IFRD2: variants seen among roughly 807,000 people sequenced by gnomAD.
IFRD2 encodes the protein interferon-related developmental regulator 2.
In IFRD2, 35 loss-of-function variants were observed where a neutral mutation model predicts 49.2. The ratio of observed to expected loss-of-function variants is 0.71; its 90% confidence interval spans 0.54 to 0.94. IFRD2 has a LOEUF of 0.94. Among genes scored for constraint, IFRD2 ranks in the 40% least tolerant of loss-of-function variants. The probability of loss-of-function intolerance (pLI) is 0.00; values close to 1 mark genes in which losing one functional copy is unlikely to be tolerated. For missense variants in IFRD2, 561 were observed against 591.6 expected (o/e 0.95, Z 0.54); for synonymous variants, 275 against 239.7 (o/e 1.15, Z -1.36).
chr3:50,290,591 G>T lies in IFRD2; in HGVS notation c.147C>A (p.Ser49Arg), dbSNP rs370637019. Reference protein sequence around the residue: ...EARSTASECPSLLSTTAEDSL... With the variant: ...EARSTASECPRLLSTTAEDSL... ...TGTCCTCTGCAGTGGTGCTGAGAAG[G>T]CTGGGGCATTCACTGGCGGTGCTGC... Residue 49 changes from serine to arginine, a missense_variant, in exon 2 of 12, where the codon AGC becomes AGA. Physicochemically the swap from Ser to Arg is moderately radical, Grantham distance 110. Coordinates refer to ENST00000417626, the MANE Select transcript of IFRD2 (RefSeq NM_006764.5). 2 of 1,613,994 alleles carry T rather than the reference G, an allele frequency of 1.2e-6. No homozygotes were observed.
intron 5 of IFRD2, 70 bp downstream of exon 5, chr3:50,289,859 T>G (rs1240634757): frequency 6.3e-7 from 1 of 1,598,554 alleles, no homozygotes; most frequent in East Asian, 2.3e-5. Context: ...AGGCTGAAGA[T>G]AGGGGGAACC....
intron 1 of IFRD2, 197 bp downstream of exon 1, chr3:50,292,019 TG>T: frequency 1.7e-6 from 1 of 589,280 alleles, no homozygotes; most frequent in Non-Finnish European, 2.8e-6. Context: ...CAACAGGCAG[TG>T]GGCAGCGAGC....
rs781984638 is a variant in IFRD2, at chr3:50,292,369, T to G, written c.-95A>C. 6.3e-7 allele frequency: 1 copy of G among 1,576,184 alleles called. No individual in the cohort carries two copies. Among genetic ancestry groups the G allele is most frequent in the Admixed American group, 1.8e-5 (1 of 54,932 alleles). On this transcript the variant is annotated 5_prime_UTR_variant, in exon 1 of 12. Coordinates refer to ENST00000417626, the MANE Select transcript of IFRD2 (RefSeq NM_006764.5). ...CCGGCCGGTGCGCTGCGCTGAGACT[T>G]GGCCAGACGACGGGAGCCACACGCC...
At position 50,290,072 on chromosome 3, in the gene IFRD2, G is replaced by A; in HGVS notation, c.403C>T (p.Gln135Ter). 6.2e-7 allele frequency: 1 copy of A among 1,613,748 alleles called. No homozygotes were observed. The highest frequency in any genetic ancestry group is 8.5e-7 in the Non-Finnish European group (1 of 1,179,746). Residue 135 changes from glutamine to a stop codon, truncating the protein, a stop_gained, in exon 5 of 12, where the codon CAA becomes TAA. Coordinates refer to ENST00000417626, the MANE Select transcript of IFRD2 (RefSeq NM_006764.5). LOFTEE classifies it high-confidence loss of function. ...CCTAGCACAGCAGCAGCCAGGGCTT[G>A]TTCCTCGCCCTTCCCTGTGGGATGC... ...KCLKKGKGEE[Q>*]ALAAAVLGLL...
At chr3:50,290,714 C>A (rs201677067) in intron 1 of IFRD2, 35 bp from the exon 2 acceptor site, 2 of 1,607,132 alleles carry the variant, frequency 1.2e-6, no homozygotes, top group African/African-American at 2.7e-5. Flanking sequence ...CAACTTGCCT[C>A]TACTGATGAG....
chr3:50,288,732 C>G lies in IFRD2; in HGVS notation c.1024-21G>C, dbSNP rs782118970. ...CCGCCCTGCAGGGTAGAGGTGCCAA[C>G]ACAACTGGGCTTGGCTGCTATGCCT... On this transcript the variant is annotated intron_variant, in intron 9 of 11. Coordinates refer to ENST00000417626, the MANE Select transcript of IFRD2 (RefSeq NM_006764.5). 9.3e-6 allele frequency: 15 copies of G among 1,612,584 alleles called. No individual in the cohort carries two copies. In the East Asian group the frequency reaches 3.1e-4, roughly 34 times the overall value.
rs1287028133 is a variant in IFRD2 at position 50,289,089 on chromosome 3, C to T, written c.886-152G>A. ...CCTTGGCCTCTGTCAGGCCAGGACA[C>T]CACTGCTGAGGGCACCCATCATGAC... is the stretch of plus-strand genomic sequence containing the variant. On this transcript the variant is annotated intron_variant, in intron 8 of 11. Transcript: ENST00000417626. 9 of 1,218,918 alleles carry T rather than the reference C, an allele frequency of 7.4e-6. No individual in the cohort carries two copies. The Admixed American group carries it at 1.7e-4, about 23-fold the overall frequency. The allele number at this position is 1,218,918 out of a possible 1,614,324, so 75.5% of individuals were successfully genotyped here.
At chr3:50,291,855 G>T in intron 1 of IFRD2, 1 of 243,858 alleles carries the variant, frequency 4.1e-6, no homozygotes, top group Non-Finnish European at 7.8e-6. Flanking sequence ...ACCGGAGCAG[G>T]CCAGGACTCC....
Position 50,290,587 on chromosome 3 carries a change from G to A in IFRD2, c.151C>T (p.Leu51Phe), listed in dbSNP as rs782744788. ...RSTASECPSL[L>F]STTAEDSLGG... ...AGGCTGTCCTCTGCAGTGGTGCTGA[G>A]AAGGCTGGGGCATTCACTGGCGGTG... Residue 51 changes from leucine (L) to phenylalanine (F), a missense_variant, in exon 2 of 12, where the codon CTC (leucine) becomes TTC (phenylalanine). Leu to Phe is a conservative substitution (Grantham distance 22). Transcript: ENST00000417626. The A allele has an allele frequency of 6.2e-7, 1 of 1,614,004 alleles. No individual in the cohort carries two copies. Among genetic ancestry groups the A allele is most frequent in the African/African-American group, 1.3e-5 (1 of 75,052 alleles).
rs1553709561 is a variant in IFRD2 at position 50,290,270 on chromosome 3, A to C, written c.288T>G (p.Leu96=). The C allele has an allele frequency of 6.2e-7, 1 of 1,612,218 alleles. No homozygotes were observed. The highest frequency in any genetic ancestry group is 1.3e-5 in the African/African-American group (1 of 75,024). ...DKSAKTRQGA[L]ESLRLALASR... ...ACGCTAGGGCCAGGCGCAGGCTCTCAAGAGCACCCTGCCGGGTCTTGGCAC... is the reference window on the plus strand; with the variant it reads ...ACGCTAGGGCCAGGCGCAGGCTCTCCAGAGCACCCTGCCGGGTCTTGGCAC... The change falls in exon 4 of 12, where the codon CTT becomes CTG. Residue 96 remains leucine (L), a synonymous_variant. Coordinates refer to ENST00000417626, the MANE Select transcript of IFRD2 (RefSeq NM_006764.5).
At chr3:50,290,806 A>T in intron 1 of IFRD2, 127 bp from the exon 2 acceptor site, 1 of 1,278,232 alleles carries the variant, frequency 7.8e-7, no homozygotes, top group Non-Finnish European at 1.1e-6. Flanking sequence ...AACCAAAGCC[A>T]AGGGTCAGTT....
intron 9 of IFRD2, 38 bp from the exon 10 acceptor site, chr3:50,288,749 G>C: frequency 1.9e-6 from 3 of 1,612,044 alleles, no homozygotes; most frequent in Non-Finnish European, 1.7e-6. Flanking sequence ...GGGCTTGGCT[G>C]CTATGCCTGG....
rs782758997 is a variant in IFRD2, at chr3:50,289,333, C to T, written c.807G>A (p.Leu269=). 7 of 1,601,236 alleles carry T rather than the reference C, an allele frequency of 4.4e-6. No homozygotes were observed. The highest frequency in any genetic ancestry group is 6.0e-6 in the Non-Finnish European group (7 of 1,174,164). The part of the protein sequence containing the change: ...DRQLPRLPQL[L]SSESVNLRIA... ...TCCGCAGGTTCACACTTTCACTGGA[C>T]AAGAGCTGGGGCAGCCGGGGCAGCT... is the stretch of plus-strand genomic sequence containing the variant. Residue 269 remains leucine (L), a synonymous_variant, in exon 8 of 12, where the codon TTG becomes TTA. Transcript: ENST00000417626.
chr3:50,288,341 C>T (rs1701597513), intron 11 of IFRD2, 68 bp downstream of exon 11: 1 of 1,605,238 alleles, frequency 6.2e-7, no homozygotes, highest in Non-Finnish European at 8.5e-7. Context: ...CTCTTCCGGC[C>T]TCTACAGAAT....
rs1420639755 is a variant in IFRD2 at position 50,288,706 on chromosome 3, A to G, written c.1029T>C (p.Gly343=). 15 of 1,613,354 alleles carry G rather than the reference A, an allele frequency of 9.3e-6. No individual in the cohort carries two copies. The Admixed American group carries it at 2.0e-4, about 22-fold the overall frequency. The change falls in exon 10 of 12, where the codon GGT becomes GGC. Residue 343 remains glycine (G), a synonymous_variant. Transcript: ENST00000417626. The part of the protein sequence containing the change: ...FRAVLHSVEG[G]ECEEEIVRFG... ...AGCGCACTATCTCTTCTTCGCATTC[A>G]CCGCCCTGCAGGGTAGAGGTGCCAA... is the stretch of plus-strand genomic sequence containing the variant.
rs781951596 is a variant in IFRD2, at chr3:50,290,636, A to G, written c.102T>C (p.Asp34=). 1 of 1,613,920 alleles carries G rather than the reference A, an allele frequency of 6.2e-7. No homozygotes were observed. The highest frequency in any genetic ancestry group is 8.5e-7 in the Non-Finnish European group (1 of 1,179,870). ...TGCTGCGGGCCTCACTGGCTGCCTC[A>G]TCGTCACTGGAACCCGAGTCAGCTT... The part of the protein sequence containing the change: ...SAQADSGSSD[D]EAASEARSTA... The change falls in exon 2 of 12, where the codon GAT becomes GAC. Residue 34 remains aspartate, a synonymous_variant. Transcript: ENST00000417626.
At chr3:50,288,552 C>A (rs782377186) in intron 10 of IFRD2, 31 bp downstream of exon 10, 1 of 1,613,864 alleles carries the variant, frequency 6.2e-7, no homozygotes, top group Non-Finnish European at 8.5e-7. Flanking sequence ...AGCAACCACA[C>A]CAGATGTCCC....
At chr3:50,290,524 T>C (rs1553709648) in intron 2 of IFRD2, 36 bp downstream of exon 2, 2 of 1,608,326 alleles carry the variant, frequency 1.2e-6, no homozygotes, top group Admixed American at 1.7e-5. Context: ...CATGGAGCCC[T>C]CACCAAGCCC....
chr3:50,292,073 G>T, intron 1 of IFRD2, 144 bp downstream of exon 1: 1 of 901,486 alleles, frequency 1.1e-6, no homozygotes, highest in Non-Finnish European at 1.6e-6. Context: ...TGGGGCACGT[G>T]CCAGCCTCGG....
Sources: allele counts gnomAD v4.1 joint callset, GRCh38; gene constraint gnomAD v4.1.1; transcripts MANE v1.5; gene names NCBI Gene and HGNC (gene_info 2026-07-23, HGNC 2026-07-21).